The following CYP26A1 variants were observed in gnomAD, a reference collection of about 807,000 sequenced individuals.
CYP26A1 encodes cytochrome P450 family 26 subfamily A member 1, also known as cytochrome P450 26A1.
A neutral mutation model predicts 47.4 loss-of-function variants in CYP26A1; 46 were observed. The ratio of observed to expected loss-of-function variants is 0.97; its 90% confidence interval spans 0.77 to 1.24. The LOEUF (loss-of-function observed/expected upper bound fraction) is 1.24, where lower values mean the gene tolerates loss of function less well. Ranked by LOEUF, CYP26A1 falls within the 50% of genes most tolerant of loss-of-function variation. The pLI is 0.00. For missense variants in CYP26A1, 680 were observed against 644.4 expected, an observed-to-expected ratio of 1.06 and a Z score of -0.60; for synonymous variants, 277 against 263.7, an observed-to-expected ratio of 1.05 and a Z score of -0.49.
chr10:93,073,683 G>A (rs1846926288), upstream of CYP26A1: 5 of 525,282 alleles, frequency 9.5e-6, no homozygotes, highest in Non-Finnish European at 1.7e-5. Context: ...CACCCCAGGA[G>A]GCGCGCTCGG....
upstream of CYP26A1, chr10:93,073,663 C>G: frequency 2.0e-6 from 1 of 503,270 alleles, no homozygotes; most frequent in Non-Finnish European, 3.5e-6. Context: ...GCGGGCAGCT[C>G]CTAGCCCCGC....
At chr10:93,075,570 G>T in intron 4 of CYP26A1, 1 of 590,838 alleles carries the variant, frequency 1.7e-6, no homozygotes, top group South Asian at 2.2e-5. Flanking sequence ...TGTTAATAAA[G>T]AACCTTGCGA....
At position 93,074,396 on chromosome 10, in the gene CYP26A1, G is replaced by C; in HGVS notation, c.278G>C (p.Gly93Ala). 1 of 1,612,308 alleles carries C rather than the reference G, an allele frequency of 6.2e-7. No homozygotes were observed. The highest frequency in any genetic ancestry group is 2.2e-5 in the East Asian group (1 of 44,868). ...GGGCGGCCCACCGTACGGGTGATGG[G>C]CGCGGACAATGTGCGGCGCATCTTG... ...LFGRPTVRVMGADNVRRILLG... is the reference protein window; with the variant it reads ...LFGRPTVRVMAADNVRRILLG... The change falls in exon 2 of 7, where the codon GGC becomes GCC. Residue 93 changes from glycine (G) to alanine (A), a missense_variant. Transcript: ENST00000224356. This position sits in a 1 kb window ranked among gnomAD's most constrained non-coding sequence, Gnocchi z 5.3.
rs1846992228 is a variant in CYP26A1 at position 93,077,400 on chromosome 10, A to G, written c.*96A>G. 1 of 500,368 alleles carries G rather than the reference A, an allele frequency of 2.0e-6. No homozygotes were observed. Among genetic ancestry groups the G allele is most frequent in the African/African-American group, 2.0e-5 (1 of 51,268 alleles). The allele number at this position is 500,368 out of a possible 1,614,324, so 31.0% of individuals were successfully genotyped here. On this transcript the variant is annotated 3_prime_UTR_variant, in exon 7 of 7. Transcript: ENST00000224356. ...CTTTATATTTAATTTCTAAATGTAT[A>G]TTATAATATTTATGTGTTTTGACTA...
intron 5 of CYP26A1, 85 bp from the exon 6 acceptor site, chr10:93,076,459 T>A: frequency 3.3e-6 from 3 of 898,830 alleles, no homozygotes; most frequent in Non-Finnish European, 5.1e-6. Flanking sequence ...GGGTTTAGTC[T>A]CCACTTAAGC....
Position 93,074,196 on chromosome 10 carries a change from G to A in CYP26A1, c.189+73G>A. On this transcript the variant is annotated intron_variant, in intron 1 of 6. Coordinates refer to ENST00000224356, the MANE Select transcript of CYP26A1 (RefSeq NM_000783.4). The surrounding 1 kb of genome is among the most constrained non-coding windows in gnomAD (Gnocchi z 5.3). ...GGCTCTGGGCTTCTGCTGAAGTCGG[G>A]GTAGGCGCCCCCGGGAGGCATGCTA... 2.0e-6 allele frequency: 3 copies of A among 1,518,408 alleles called. No homozygotes were observed. The East Asian group carries it at 7.4e-5, about 37-fold the overall frequency. 94.1% of individuals were successfully genotyped at this position (1,518,408 alleles called of 1,614,324 possible).
chr10:93,076,931 G>T (rs1303375095), intron 6 of CYP26A1, 32 bp from the exon 7 acceptor site: 1 of 1,394,598 alleles, frequency 7.2e-7, no homozygotes, highest in Middle Eastern at 2.0e-4. Context: ...ATTCCAGTTT[G>T]TCAGCCCTTG....
chr10:93,073,725 G>T (rs973635849), upstream of CYP26A1: 4 of 539,248 alleles, frequency 7.4e-6, no homozygotes, highest in East Asian at 3.3e-5. Context: ...CCTCTGCCTC[G>T]GCGCGGAACA....
chr10:93,077,557 G>T lies in CYP26A1; in HGVS notation c.*253G>T. 3.9e-6 allele frequency: 1 copy of T among 255,244 alleles called. No individual in the cohort carries two copies. The highest frequency in any genetic ancestry group is 7.5e-5 in the East Asian group (1 of 13,330). The allele number at this position is 255,244 out of a possible 1,614,324, so 15.8% of individuals were successfully genotyped here. Reference sequence around the variant, plus strand: ...CTCACCAGTTTAGTATTTTCTTAGTGTATTTAACCAGATTTTACAATGCCT... The same window carrying T: ...CTCACCAGTTTAGTATTTTCTTAGTTTATTTAACCAGATTTTACAATGCCT... On this transcript the variant is annotated 3_prime_UTR_variant, in exon 7 of 7. Coordinates refer to ENST00000224356, the MANE Select transcript of CYP26A1 (RefSeq NM_000783.4).
In CYP26A1 at chr10:93,075,815, T is replaced by G. The variant is rs373196632; in HGVS notation, c.865-11T>G. The stretch of plus-strand genomic sequence containing the variant: ...AGACTTGTGAGAATGTGGGTCTCAC[T>G]CTATTCTTAGGCACTAAAGCAATCT... On this transcript the variant is annotated splice_polypyrimidine_tract_variant and intron_variant, in intron 4 of 6. Transcript: ENST00000224356. The G allele has an allele frequency of 3.1e-5, 50 of 1,608,308 alleles. No homozygotes were observed. Among genetic ancestry groups the G allele is most frequent in the Non-Finnish European group, 4.2e-5 (49 of 1,174,790 alleles).
intron 4 of CYP26A1, 43 bp downstream of exon 4, chr10:93,075,350 C>T (rs1273168606): frequency 1.9e-6 from 3 of 1,586,278 alleles, no homozygotes; most frequent in Admixed American, 3.4e-5. Flanking sequence ...GTTTGGTCCC[C>T]TGGCTTTCCA....
In CYP26A1 at chr10:93,077,058, T is replaced by C. The variant is rs776793858; in HGVS notation, c.1248T>C (p.Pro416=). The C allele has an allele frequency of 1.2e-6, 2 of 1,613,734 alleles. No individual in the cohort carries two copies. Among genetic ancestry groups the C allele is most frequent in the Non-Finnish European group, 1.7e-6 (2 of 1,179,686 alleles). Residue 416 remains proline, a synonymous_variant, in exon 7 of 7, where the codon CCT becomes CCC. Transcript: ENST00000224356. ...TCACCAACAAGGAAGAATTTAATCC[T>C]GACCGATTCATGCTGCCTCACCCAG... ...EIFTNKEEFN[P]DRFMLPHPED...
chr10:93,076,765 T>G lies in CYP26A1; in HGVS notation c.1152+69T>G, dbSNP rs146877756. The G allele has an allele frequency of 1.3e-3, 1,546 of 1,205,278 alleles. 10 individuals are homozygous for G. In the African/African-American group the frequency reaches 0.021, roughly 16 times the overall value. 74.7% of individuals were successfully genotyped at this position (1,205,278 alleles called of 1,614,324 possible). Reference sequence around the variant, plus strand: ...AAACTCCTCTTTCTTCCCTATGCTGTGGCTGCAATTCTTATGCTTTTGATA... The same window carrying G: ...AAACTCCTCTTTCTTCCCTATGCTGGGGCTGCAATTCTTATGCTTTTGATA... On this transcript the variant is annotated intron_variant, in intron 6 of 6. Transcript: ENST00000224356.
At position 93,075,063 on chromosome 10, in the gene CYP26A1, G is replaced by T. The variant is rs776687509; in HGVS notation, c.699G>T (p.Leu233=). ...SLPIDVPFSG[L]YRGMKARNLI... is the part of the protein sequence containing the mutation. ...CCATCGACGTGCCCTTCAGCGGGCT[G>T]TACCGGGTAAGGGCGGCAAACGGGC... The change falls in exon 3 of 7, where the codon CTG becomes CTT. Residue 233 remains leucine, a synonymous_variant. Transcript: ENST00000224356. 6.2e-7 allele frequency: 1 copy of T among 1,612,554 alleles called. No individual in the cohort carries two copies. Among genetic ancestry groups the T allele is most frequent in the African/African-American group, 1.3e-5 (1 of 74,952 alleles).
chr10:93,075,814 C>T lies in CYP26A1; in HGVS notation c.865-12C>T. ...CAGACTTGTGAGAATGTGGGTCTCA[C>T]TCTATTCTTAGGCACTAAAGCAATC... On this transcript the variant is annotated splice_polypyrimidine_tract_variant and intron_variant, in intron 4 of 6. Coordinates refer to ENST00000224356, the MANE Select transcript of CYP26A1 (RefSeq NM_000783.4). The T allele has an allele frequency of 6.2e-7, 1 of 1,607,704 alleles. No individual in the cohort carries two copies. Among genetic ancestry groups the T allele is most frequent in the South Asian group, 1.1e-5 (1 of 90,920 alleles).
chr10:93,075,128 CCG>C lies in CYP26A1; in HGVS notation c.706-15_706-14del, dbSNP rs1303476600. 6.2e-7 allele frequency: 1 copy of C among 1,611,348 alleles called. No individual in the cohort carries two copies. The highest frequency in any genetic ancestry group is 1.7e-5 in the Admixed American group (1 of 59,936). On this transcript the variant is annotated intron_variant, in intron 3 of 6. Coordinates refer to ENST00000224356, the MANE Select transcript of CYP26A1 (RefSeq NM_000783.4). ...GCGGGACCTGGGCGTCTGCTCACCG[CCG>C]CGCGCTCTCTGCGCTCAGGGCATGA...
Position 93,077,380 on chromosome 10 carries a change from T to C in CYP26A1, c.*76T>C. On this transcript the variant is annotated 3_prime_UTR_variant, in exon 7 of 7. Transcript: ENST00000224356. Reference sequence around the variant, plus strand: ...TTTAAGGAGTGTTGTGTTGACTTTATATTTAATTTCTAAATGTATATTATA... The same window carrying C: ...TTTAAGGAGTGTTGTGTTGACTTTACATTTAATTTCTAAATGTATATTATA... 1.6e-6 allele frequency: 1 copy of C among 628,744 alleles called. No individual in the cohort carries two copies. Among genetic ancestry groups the C allele is most frequent in the Non-Finnish European group, 2.5e-6 (1 of 406,070 alleles). The allele number at this position is 628,744 out of a possible 1,614,324, so 38.9% of individuals were successfully genotyped here.
At position 93,075,865 on chromosome 10, in the gene CYP26A1, C is replaced by T; in HGVS notation, c.904C>T (p.His302Tyr). 2 of 1,610,328 alleles carry T rather than the reference C, an allele frequency of 1.2e-6. No homozygotes were observed. The highest frequency in any genetic ancestry group is 1.7e-6 in the Non-Finnish European group (2 of 1,176,540). Residue 302 changes from histidine (H) to tyrosine (Y), a missense_variant, in exon 5 of 7, where the codon CAC (histidine) becomes TAC (tyrosine). His to Tyr is a moderately conservative substitution (Grantham distance 83). Coordinates refer to ENST00000224356, the MANE Select transcript of CYP26A1 (RefSeq NM_000783.4). The stretch of plus-strand genomic sequence containing the variant: ...TTCAACCGAACTCCTCTTTGGAGGA[C>T]ACGAAACCACGGCCAGTGCAGCCAC... The part of the protein sequence containing the change: ...QSSTELLFGG[H>Y]ETTASAATSL...
chr10:93,075,542 A>G (rs1207307463), intron 4 of CYP26A1: 4 of 597,338 alleles, frequency 6.7e-6, no homozygotes, highest in Non-Finnish European at 1.2e-5. Context: ...TCAAAGGGAA[A>G]GTTGGAATTT....
Sources: gnomAD v4.1 joint callset for allele counts on GRCh38, gnomAD v4.1.1 for gene constraint, Gnocchi (gnomAD v3.1) non-coding constraint, MANE v1.5 for transcripts, NCBI Gene and HGNC (gene_info 2026-07-23, HGNC 2026-07-21) for gene names.